MSANTD3: variants seen among roughly 807,000 people sequenced by gnomAD.
MSANTD3 encodes myb/SANT-like DNA-binding domain-containing protein 3.
Under a neutral mutation model 27.7 loss-of-function variants are expected in MSANTD3, and 11 were observed. The observed-to-expected ratio is 0.40, with a 90% CI of 0.25 to 0.66. MSANTD3 has a LOEUF of 0.66. MSANTD3 is among the 30% of genes least tolerant of loss of function. The probability of loss-of-function intolerance (pLI) is 0.41; values close to 1 mark genes in which losing one functional copy is unlikely to be tolerated. For missense variants in MSANTD3, 250 were observed against 336.5 expected, an observed-to-expected ratio of 0.74 and a Z score of 2.01; for synonymous variants, 131 against 127.2, an observed-to-expected ratio of 1.03 and a Z score of -0.20.
At chr9:100,437,016 G>A (rs13286180) in intron 1 of MSANTD3, among the ~76,000 whole-genome samples, 4,826 of 152,222 alleles carry the variant, frequency 0.032, 95 homozygotes, top group Middle Eastern at 0.037. Flanking sequence ...TATTGGCCAG[G>A]CTGGTCTTGA....
At chr9:100,436,246 C>T (rs1264804747) in intron 1 of MSANTD3, among the ~76,000 whole-genome samples, 2 of 152,088 alleles carry the variant, frequency 1.3e-5, no homozygotes, top group Non-Finnish European at 2.9e-5. Flanking sequence ...ACTCCTTGGC[C>T]CAAGTGATCA....
chr9:100,451,202 A>C lies in MSANTD3; in HGVS notation c.*236A>C, dbSNP rs1469708454. On this transcript the variant is annotated 3_prime_UTR_variant, in exon 3 of 3. Coordinates refer to ENST00000395067, the MANE Select transcript of MSANTD3 (RefSeq NM_080655.3). The stretch of plus-strand genomic sequence containing the variant: ...CTATGAGTGCTATAATTCTGAATAT[A>C]ATGTCTCTTAATTAGAATTCATACA... 1 of 423,262 alleles carries C rather than the reference A, an allele frequency of 2.4e-6. No individual in the cohort carries two copies. The highest frequency in any genetic ancestry group is 2.0e-5 in the African/African-American group (1 of 49,484). The allele number at this position is 423,262 out of a possible 1,614,324, so 26.2% of individuals were successfully genotyped here. A position where few individuals can be genotyped will look rare whatever the true frequency, so the allele number is the denominator to read the frequency against.
intron 2 of MSANTD3, among the ~76,000 whole-genome samples, chr9:100,442,935 G>T (rs1836664166): frequency 6.6e-6 from 1 of 152,014 alleles, no homozygotes; most frequent in African/African-American, 2.4e-5. Context: ...GATTAATGGA[G>T]TTCTTATTAG....
At chr9:100,435,523 A>G (rs1418615412) in intron 1 of MSANTD3, among the ~76,000 whole-genome samples, 1 of 152,230 alleles carries the variant, frequency 6.6e-6, no homozygotes, top group East Asian at 1.9e-4. Flanking sequence ...ATAATAAAAT[A>G]CCACAGATTG....
chr9:100,445,964 C>T (rs1836742938), intron 2 of MSANTD3, among the ~76,000 whole-genome samples: 1 of 152,192 alleles, frequency 6.6e-6, no homozygotes, highest in Non-Finnish European at 1.5e-5. Flanking sequence ...AATTTACACC[C>T]TGCAGATTTT....
At chr9:100,444,440 C>G (rs1375599791) in intron 2 of MSANTD3, 1 of 152,226 alleles carries the variant, frequency 6.6e-6, no homozygotes, top group Non-Finnish European at 1.5e-5. Flanking sequence ...TAATGGTGTC[C>G]TTGTTTTGGA....
intron 2 of MSANTD3, among the ~76,000 whole-genome samples, chr9:100,447,728 A>T (rs1429277877): frequency 6.6e-6 from 1 of 152,206 alleles, no homozygotes; most frequent in Non-Finnish European, 1.5e-5. Context: ...GTTTTCTATA[A>T]TAATACCTCC....
At chr9:100,439,287 C>T (rs1836547299) in intron 1 of MSANTD3, among the ~76,000 whole-genome samples, 1 of 152,138 alleles carries the variant, frequency 6.6e-6, no homozygotes, top group Non-Finnish European at 1.5e-5. Flanking sequence ...AACCCCTTCC[C>T]AGGCATAGTG....
intron 1 of MSANTD3, among the ~76,000 whole-genome samples, chr9:100,434,942 A>G (rs1836446315): frequency 6.6e-6 from 1 of 151,712 alleles, no homozygotes; most frequent in African/African-American, 2.4e-5. Context: ...TAAAGAGCCA[A>G]TAACTTGTTA....
chr9:100,445,040 G>A lies in MSANTD3; in HGVS notation c.418+2684G>A, dbSNP rs567977626. 1.9e-4 allele frequency: 118 copies of A among 622,872 alleles called. No homozygotes were observed. The African/African-American group carries it at 2.0e-3, about 11-fold the overall frequency. The allele number at this position is 622,872 out of a possible 1,614,324, so 38.6% of individuals were successfully genotyped here. A position where few individuals can be genotyped will look rare whatever the true frequency, so the allele number is the denominator to read the frequency against. ...CAGGTCCCATCTGGAGGGTGGTGGA[G>A]AACCTTGGTGCTTTGTCATTTGGGA... On this transcript the variant is annotated intron_variant, in intron 2 of 2. Transcript: ENST00000395067.
At chr9:100,439,017 C>A (rs1470939720) in intron 1 of MSANTD3, among the ~76,000 whole-genome samples, 2 of 152,172 alleles carry the variant, frequency 1.3e-5, no homozygotes, top group Non-Finnish European at 2.9e-5. Context: ...TGTGTCCGAA[C>A]CTCCCAGTGT....
chr9:100,448,275 A>C, intron 2 of MSANTD3: 1 of 985,250 alleles, frequency 1.0e-6, no homozygotes, highest in Non-Finnish European at 1.2e-6. Flanking sequence ...ATGAACTTTA[A>C]GGACTCAGAG....
At chr9:100,430,482 G>T (rs1458896028) in intron 1 of MSANTD3, among the ~76,000 whole-genome samples, 2 of 152,158 alleles carry the variant, frequency 1.3e-5, no homozygotes, top group African/African-American at 4.8e-5. Context: ...ATCAGGACCA[G>T]ATCCGGAAAG....
At chr9:100,434,983 ACACACACGTGCG>A (rs918676017) in intron 1 of MSANTD3, among the ~76,000 whole-genome samples, 37 of 152,178 alleles carry the variant, frequency 2.4e-4, no homozygotes, top group African/African-American at 8.0e-4. Context: ...ACACACACAC[ACACACACGTGCG>A]CACACACACA....
At chr9:100,440,167 G>A (rs1266868878) in intron 1 of MSANTD3, among the ~76,000 whole-genome samples, 1 of 152,136 alleles carries the variant, frequency 6.6e-6, no homozygotes, top group Non-Finnish European at 1.5e-5. Flanking sequence ...ATGCTGACCC[G>A]GCACTGTAGA....
intron 2 of MSANTD3, chr9:100,448,513 G>C: frequency 3.0e-6 from 3 of 985,398 alleles, no homozygotes; most frequent in Non-Finnish European, 3.6e-6. Context: ...CCCACACAGA[G>C]CACTGTTCCT....
intron 1 of MSANTD3, among the ~76,000 whole-genome samples, chr9:100,431,340 C>G (rs955986195): frequency 1.4e-5 from 2 of 140,312 alleles, no homozygotes; most frequent in African/African-American, 2.7e-5. Flanking sequence ...GCGTTTTACT[C>G]TTTCACCTAG....
At chr9:100,437,730 T>G (rs1160025633) in intron 1 of MSANTD3, among the ~76,000 whole-genome samples, 1 of 152,212 alleles carries the variant, frequency 6.6e-6, no homozygotes, top group Non-Finnish European at 1.5e-5. Context: ...CAGGTGTTGG[T>G]AATTCTGAGC....
intron 1 of MSANTD3, among the ~76,000 whole-genome samples, chr9:100,435,230 A>G (rs1249640384): frequency 2.6e-5 from 4 of 152,194 alleles, no homozygotes; most frequent in Non-Finnish European, 5.9e-5. Flanking sequence ...GGGTAAAGTC[A>G]GGATTTGAGC....
Sources: gnomAD v4.1 joint callset for allele counts (sites outside exome capture counted in the v4.1 genomes callset) on GRCh38, gnomAD v4.1.1 for gene constraint, MANE v1.5 for transcripts, NCBI Gene and HGNC (gene_info 2026-07-23, HGNC 2026-07-21) for gene names.